The following PDE1A variants were observed in gnomAD, a reference collection of about 807,000 sequenced individuals.
The protein encoded by PDE1A is phosphodiesterase 1A.
PDE1A carries 35 observed loss-of-function variants against 61.7 expected under a neutral mutation model. The observed-to-expected ratio is 0.57, with a 90% CI of 0.43 to 0.75. The LOEUF (loss-of-function observed/expected upper bound fraction) is 0.75, where lower values mean the gene tolerates loss of function less well. PDE1A is among the 30% of genes least tolerant of loss of function. PDE1A has a pLI of 0.00. For missense variants in PDE1A, 597 were observed against 630.6 expected, an observed-to-expected ratio of 0.95 and a Z score of 0.57; for synonymous variants, 232 against 213.2, an observed-to-expected ratio of 1.09 and a Z score of -0.77.
chr2:182,656,597 T>G, the PDE1A span, among the ~76,000 whole-genome samples: 1 of 152,196 alleles, frequency 6.6e-6, no homozygotes, highest in Non-Finnish European at 1.5e-5. Context: ...GAAACGAATC[T>G]TTAAAATGTC....
At chr2:182,660,666 G>A in the PDE1A span, among the ~76,000 whole-genome samples, 1 of 152,302 alleles carries the variant, frequency 6.6e-6, no homozygotes, top group East Asian at 1.9e-4. Flanking sequence ...CTACAGAGAG[G>A]GGTGGCCTTC....
chr2:182,177,075 G>A (rs1684303041), intron 13 of PDE1A, among the ~76,000 whole-genome samples: 1 of 151,234 alleles, frequency 6.6e-6, no homozygotes, highest in Non-Finnish European at 1.5e-5. Flanking sequence ...ATGTGCTGCT[G>A]GATTCGTTTT....
At chr2:182,704,189 C>T in the PDE1A span, among the ~76,000 whole-genome samples, 20 of 124,852 alleles carry the variant, frequency 1.6e-4, no homozygotes, top group African/African-American at 5.3e-4. Flanking sequence ...CCAGTCTCAG[C>T]AAGAGAGAGA....
the PDE1A span, among the ~76,000 whole-genome samples, chr2:182,674,002 A>ATATATG: frequency 3.9e-5 from 1 of 25,794 alleles, no homozygotes. Context: ...ATATATATAT[A>ATATATG]TATATATATA....
At chr2:182,257,817 T>G (rs300888) in intron 2 of PDE1A, among the ~76,000 whole-genome samples, 1 of 152,168 alleles carries the variant, frequency 6.6e-6, no homozygotes, top group Non-Finnish European at 1.5e-5. Flanking sequence ...CATTAGAGGA[T>G]GCACCAAGAT....
the PDE1A span, among the ~76,000 whole-genome samples, chr2:182,692,945 T>C: frequency 5.0e-3 from 761 of 152,140 alleles, 12 homozygotes; most frequent in African/African-American, 0.018. Context: ...TCCATTTTTA[T>C]TGTCCCAATT....
chr2:182,655,398 C>T, the PDE1A span, among the ~76,000 whole-genome samples: 4 of 152,076 alleles, frequency 2.6e-5, no homozygotes, highest in Non-Finnish European at 4.4e-5. Context: ...AAGGTGAACC[C>T]AAGTCAATAA....
upstream of PDE1A, among the ~76,000 whole-genome samples, chr2:182,525,804 G>C (rs1008500287): frequency 6.6e-6 from 1 of 152,116 alleles, no homozygotes; most frequent in East Asian, 1.9e-4. Flanking sequence ...TCTTTAGCCA[G>C]TAAGCCATCA....
intron 1 of PDE1A, among the ~76,000 whole-genome samples, chr2:182,411,364 C>T (rs1481304594): frequency 1.3e-5 from 2 of 152,180 alleles, no homozygotes; most frequent in East Asian, 3.9e-4. Context: ...TTTCTCACTG[C>T]TGTATAGCAT....
chr2:182,442,428 A>T (rs1009795334), intron 2 of PDE1A, among the ~76,000 whole-genome samples: 3 of 152,084 alleles, frequency 2.0e-5, no homozygotes, highest in Admixed American at 6.6e-5. Context: ...TAGATATAAA[A>T]GACTATTGGG....
intron 1 of PDE1A, among the ~76,000 whole-genome samples, chr2:182,386,602 C>T (rs142904382): frequency 6.0e-5 from 9 of 149,232 alleles, no homozygotes; most frequent in South Asian, 2.1e-4. Context: ...GGAGCCCCTC[C>T]GCCCAGCAGC....
At chr2:182,643,332 A>G in the PDE1A span, among the ~76,000 whole-genome samples, 4 of 152,192 alleles carry the variant, frequency 2.6e-5, no homozygotes, top group Non-Finnish European at 1.5e-5. Context: ...GGCACAGGTA[A>G]GCAGGGAGCC....
chr2:182,305,290 T>C (rs2125927844), intron 1 of PDE1A, among the ~76,000 whole-genome samples: 1 of 152,270 alleles, frequency 6.6e-6, no homozygotes, highest in Non-Finnish European at 1.5e-5. Context: ...CCCCCGTTGT[T>C]AAGTAAGTTT....
At chr2:182,583,084 A>G in the PDE1A span, among the ~76,000 whole-genome samples, 2 of 152,300 alleles carry the variant, frequency 1.3e-5, no homozygotes, top group East Asian at 3.9e-4. Flanking sequence ...CCAGGAGAAC[A>G]AAGAAACAGC....
intron 1 of PDE1A, among the ~76,000 whole-genome samples, chr2:182,414,102 A>G (rs1209592302): frequency 6.6e-6 from 1 of 152,190 alleles, no homozygotes; most frequent in Non-Finnish European, 1.5e-5. Flanking sequence ...AACAGAAGAC[A>G]GTTGAGATTA....
the PDE1A span, among the ~76,000 whole-genome samples, chr2:182,625,619 T>C: frequency 6.6e-6 from 1 of 152,206 alleles, no homozygotes; most frequent in Non-Finnish European, 1.5e-5. Flanking sequence ...ATCTCACTGG[T>C]CCTGACAGAG....
At chr2:182,294,876 A>C (rs549038688) in intron 1 of PDE1A, among the ~76,000 whole-genome samples, 9 of 152,074 alleles carry the variant, frequency 5.9e-5, no homozygotes, top group African/African-American at 2.2e-4. Context: ...GACAAATCAA[A>C]GTTATAAGGG....
chr2:182,292,012 C>G (rs1694567423), intron 1 of PDE1A, among the ~76,000 whole-genome samples: 1 of 151,848 alleles, frequency 6.6e-6, no homozygotes. Flanking sequence ...TGACGTATTT[C>G]TTGGTTTTAA....
chr2:182,493,430 C>A (rs917174691), intron 2 of PDE1A, among the ~76,000 whole-genome samples: 1 of 152,084 alleles, frequency 6.6e-6, no homozygotes, highest in South Asian at 2.1e-4. Flanking sequence ...TATCCCTCCC[C>A]GCCTCCTCAC....
Sources: allele counts gnomAD v4.1 joint callset (sites outside exome capture counted in the v4.1 genomes callset), GRCh38; gene constraint gnomAD v4.1.1; transcripts MANE v1.5; gene names NCBI Gene and HGNC (gene_info 2026-07-23, HGNC 2026-07-21).